Variants in SYNPO2 observed in about 807,000 individuals in gnomAD.
The protein encoded by SYNPO2 is synaptopodin 2.
Under a neutral mutation model 85.0 loss-of-function variants are expected in SYNPO2, and 56 were observed. That is an observed-to-expected ratio of 0.66 (90% CI 0.53 to 0.82). The LOEUF is 0.82. SYNPO2 is among the 40% of genes least tolerant of loss of function. The pLI, the probability that SYNPO2 is intolerant of heterozygous loss-of-function variation, is 0.00. For synonymous variants in SYNPO2, 602 were observed against 591.1 expected (o/e 1.02, Z -0.27); for missense variants, 1,575 against 1,534.2 (o/e 1.03, Z -0.44).
chr4:118,940,965 G>A (rs1395575786), intron 1 of SYNPO2, among the ~76,000 whole-genome samples: 2 of 152,138 alleles, frequency 1.3e-5, no homozygotes, highest in Non-Finnish European at 2.9e-5. Flanking sequence ...CATAGCTGCC[G>A]TTACTGTTCC....
intron 1 of SYNPO2, among the ~76,000 whole-genome samples, chr4:118,989,207 A>G (rs1736323845): frequency 6.6e-6 from 1 of 152,248 alleles, no homozygotes; most frequent in South Asian, 2.1e-4. Context: ...TTGCCAGAAG[A>G]CCCTGAATAC....
At chr4:119,038,819 G>A (rs1738617586) in intron 4 of SYNPO2, among the ~76,000 whole-genome samples, 1 of 152,090 alleles carries the variant, frequency 6.6e-6, no homozygotes, top group Admixed American at 6.5e-5. Context: ...AGATTCCTCA[G>A]TGGAAGATTT....
At chr4:118,946,584 C>T (rs978772292) in intron 1 of SYNPO2, among the ~76,000 whole-genome samples, 1 of 152,190 alleles carries the variant, frequency 6.6e-6, no homozygotes, top group African/African-American at 2.4e-5. Context: ...ATCGTTCGCT[C>T]GTTCTCTGCT....
At chr4:118,866,989 CT>C (rs202206880) in intron 1 of SYNPO2, among the ~76,000 whole-genome samples, 14 of 152,052 alleles carry the variant, frequency 9.2e-5, no homozygotes, top group South Asian at 2.1e-4. Flanking sequence ...TTTAGTTCTC[CT>C]TTTTTTTAAA....
chr4:118,859,731 C>T (rs1266713224), intron 1 of SYNPO2, among the ~76,000 whole-genome samples: 1 of 152,228 alleles, frequency 6.6e-6, no homozygotes, highest in Non-Finnish European at 1.5e-5. Context: ...CATGTCATTG[C>T]AAATGACTGG....
intron 1 of SYNPO2, among the ~76,000 whole-genome samples, chr4:118,874,442 T>C (rs773240543): frequency 5.3e-5 from 8 of 152,318 alleles, no homozygotes; most frequent in Non-Finnish European, 8.8e-5. Context: ...CAAAATTCTC[T>C]CCTAATTTGT....
At position 119,032,041 on chromosome 4, in the gene SYNPO2, C is replaced by A. The variant is rs1738297690; in HGVS notation, c.3252+14C>A. The A allele has an allele frequency of 1.2e-6, 2 of 1,613,304 alleles. No individual in the cohort carries two copies. Among genetic ancestry groups the A allele is most frequent in the East Asian group, 4.5e-5 (2 of 44,852 alleles). ...GTCACAATTCAGGTGTGGAAACCAT[C>A]TGTTGTGGAAGAGTAATCTTGTAGC... On this transcript the variant is annotated intron_variant, in intron 4 of 4. Coordinates refer to ENST00000307142, the MANE Select transcript of SYNPO2 (RefSeq NM_133477.3).
intron 1 of SYNPO2, among the ~76,000 whole-genome samples, chr4:118,967,713 G>A (rs1735370191): frequency 6.6e-6 from 1 of 152,130 alleles, no homozygotes. Flanking sequence ...GGCATGTCTT[G>A]GATGATTCCC....
At chr4:118,941,306 CCA>C (rs1045122267) in intron 1 of SYNPO2, among the ~76,000 whole-genome samples, 20 of 152,138 alleles carry the variant, frequency 1.3e-4, no homozygotes, top group African/African-American at 4.1e-4. Flanking sequence ...CTGTTCATTC[CCA>C]GTCACCAACT....
At chr4:119,053,265 A>G (rs1739107370) in intron 4 of SYNPO2, among the ~76,000 whole-genome samples, 1 of 152,232 alleles carries the variant, frequency 6.6e-6, no homozygotes, top group Non-Finnish European at 1.5e-5. Context: ...AATTAGAAGT[A>G]TGGGTGCCAG....
chr4:119,029,697 A>G (rs1044646811), intron 3 of SYNPO2, 148 bp from the exon 4 acceptor site: 2 of 725,758 alleles, frequency 2.8e-6, no homozygotes, highest in Non-Finnish European at 4.2e-6. Flanking sequence ...TAAGAAAAAG[A>G]AATGTGTTGG....
At chr4:118,988,578 A>T (rs1394268274) in intron 1 of SYNPO2, among the ~76,000 whole-genome samples, 2 of 152,190 alleles carry the variant, frequency 1.3e-5, no homozygotes, top group African/African-American at 2.4e-5. Context: ...AGCTCCAAGG[A>T]GTTTCTTTAC....
chr4:118,921,062 G>A (rs552708113), intron 1 of SYNPO2, among the ~76,000 whole-genome samples: 1 of 151,872 alleles, frequency 6.6e-6, no homozygotes, highest in African/African-American at 2.4e-5. Context: ...GCATCAACAC[G>A]CATGGCTATT....
chr4:118,976,190 T>C (rs925461785), intron 1 of SYNPO2, among the ~76,000 whole-genome samples: 38 of 152,086 alleles, frequency 2.5e-4, no homozygotes, highest in African/African-American at 8.2e-4. Flanking sequence ...CCTTCTGATG[T>C]TCAGATGTGT....
chr4:118,977,241 T>C (rs1010814998), intron 1 of SYNPO2, among the ~76,000 whole-genome samples: 7 of 152,192 alleles, frequency 4.6e-5, no homozygotes, highest in Non-Finnish European at 7.4e-5. Context: ...GCAGCGCCGG[T>C]GGGCCAGCAC....
chr4:118,987,227 A>G (rs1014824607), intron 1 of SYNPO2, among the ~76,000 whole-genome samples: 15 of 152,268 alleles, frequency 9.9e-5, no homozygotes, highest in African/African-American at 1.7e-4. Context: ...CTAAGACTAC[A>G]GTGAAATTTA....
chr4:119,002,301 C>A (rs1362505212), intron 1 of SYNPO2, among the ~76,000 whole-genome samples: 1 of 152,108 alleles, frequency 6.6e-6, no homozygotes, highest in African/African-American at 2.4e-5. Flanking sequence ...TGCTCTGTCA[C>A]CCAGGCTGGA....
At chr4:119,020,329 C>G (rs1017064681) in intron 1 of SYNPO2, among the ~76,000 whole-genome samples, 9 of 152,150 alleles carry the variant, frequency 5.9e-5, no homozygotes, top group Admixed American at 5.9e-4. Context: ...AGAATGTATT[C>G]TCTGAAGGAA....
intron 1 of SYNPO2, among the ~76,000 whole-genome samples, chr4:119,021,812 G>C (rs922633360): frequency 1.3e-5 from 2 of 152,196 alleles, no homozygotes; most frequent in East Asian, 3.9e-4. Context: ...TTAAGGCAAT[G>C]ATAGAGGGGC....
Sources: allele counts gnomAD v4.1 joint callset (sites outside exome capture counted in the v4.1 genomes callset), GRCh38; gene constraint gnomAD v4.1.1; transcripts MANE v1.5; gene names NCBI Gene and HGNC (gene_info 2026-07-23, HGNC 2026-07-21).